The following GNA11 variants were observed in gnomAD, a reference collection of about 807,000 sequenced individuals.
GNA11 encodes the protein guanine nucleotide-binding protein subunit alpha-11.
In GNA11, 8 loss-of-function variants were observed where a neutral mutation model predicts 38.2. The observed-to-expected ratio is 0.21, with a 90% CI of 0.12 to 0.38. GNA11 has a LOEUF of 0.38. Among genes scored for constraint, GNA11 ranks in the 10% least tolerant of loss-of-function variants. The pLI, the probability that GNA11 is intolerant of heterozygous loss-of-function variation, is 1.00. For missense variants in GNA11, 268 were observed against 516.3 expected (o/e 0.52, Z 4.66); for synonymous variants, 211 against 221.4 (o/e 0.95, Z 0.42).
chr19:3,115,677 C>T (rs967890306), intron 4 of GNA11, among the ~76,000 whole-genome samples: 3 of 147,776 alleles, frequency 2.0e-5, no homozygotes, highest in East Asian at 2.0e-4. Context: ...CAGGGGGTGC[C>T]GCATGGTGCG....
rs2145326661 is a variant in GNA11 at position 3,119,129 on chromosome 19, G to A, written c.735+76G>A. On this transcript the variant is annotated intron_variant, in intron 5 of 6. Transcript: ENST00000078429. The surrounding 1 kb of genome is among the most constrained non-coding windows in gnomAD (Gnocchi z 4.6). ...CTGCCAAGCCTGGGTCCCCTCACCTGGGTCCCCCCAGCTGCCCCTTGGGCT... is the reference window on the plus strand; with the variant it reads ...CTGCCAAGCCTGGGTCCCCTCACCTAGGTCCCCCCAGCTGCCCCTTGGGCT... 6.2e-7 allele frequency: 1 copy of A among 1,604,066 alleles called. No individual in the cohort carries two copies. Among genetic ancestry groups the A allele is most frequent in the Admixed American group, 1.7e-5 (1 of 59,838 alleles).
In GNA11 at chr19:3,110,125, G is replaced by T; in HGVS notation, c.137-24G>T. 1 of 1,572,200 alleles carries T rather than the reference G, an allele frequency of 6.4e-7. No individual in the cohort carries two copies. Among genetic ancestry groups the T allele is most frequent in the Non-Finnish European group, 8.6e-7 (1 of 1,157,110 alleles). The stretch of plus-strand genomic sequence containing the variant: ...GAGAGTCAGGCCCCGGCTGCCGCCC[G>T]CCCTCACGTGCCCCGTCCCCCAGGC... On this transcript the variant is annotated intron_variant, in intron 1 of 6. Coordinates refer to ENST00000078429, the MANE Select transcript of GNA11 (RefSeq NM_002067.5). This position sits in a 1 kb window ranked among gnomAD's most constrained non-coding sequence, Gnocchi z 5.4.
intron 1 of GNA11, among the ~76,000 whole-genome samples, chr19:3,098,635 C>T (rs1197244092): frequency 6.6e-6 from 1 of 152,238 alleles, no homozygotes; most frequent in Non-Finnish European, 1.5e-5. Flanking sequence ...GCGCCAGCCC[C>T]CACGGGGCAG....
At position 3,119,241 on chromosome 19, in the gene GNA11, C is replaced by T. The variant is rs4900; in HGVS notation, c.771C>T (p.Thr257=). The T allele has an allele frequency of 0.46, 737,604 of 1,612,358 alleles. 172,418 individuals are homozygous for T. The highest frequency in any genetic ancestry group is 0.49 in the Non-Finnish European group (572,071 of 1,179,014). Residue 257 remains threonine (T), a synonymous_variant, in exon 6 of 7, where the codon ACC becomes ACT. Transcript: ENST00000078429. This position sits in a 1 kb window ranked among gnomAD's most constrained non-coding sequence, Gnocchi z 4.6. ...AGGAGAGCAAAGCCCTGTTCCGGAC[C>T]ATCATCACCTACCCCTGGTTCCAGA... ...RMEESKALFR[T]IITYPWFQNS...
At chr19:3,105,711 G>A (rs1913624008) in intron 1 of GNA11, among the ~76,000 whole-genome samples, 1 of 152,166 alleles carries the variant, frequency 6.6e-6, no homozygotes, top group South Asian at 2.1e-4. Flanking sequence ...TTGGGGTGGC[G>A]GTGTGGTCAG....
Position 3,108,262 on chromosome 19 carries a change from C to G in GNA11, c.137-1887C>G, listed in dbSNP as rs1054244721. On this transcript the variant is annotated intron_variant, in intron 1 of 6. Transcript: ENST00000078429. The surrounding 1 kb of genome is among the most constrained non-coding windows in gnomAD (Gnocchi z 4.5). Reference sequence around the variant, plus strand: ...CTCTAGGAGCTGCCAGGTGAGGGGTCCTGCGACAGGCACCTGTGCAAAGAT... The same window carrying G: ...CTCTAGGAGCTGCCAGGTGAGGGGTGCTGCGACAGGCACCTGTGCAAAGAT... Among the ~76,000 whole-genome samples the G allele has an allele frequency of 1.3e-5, 2 of 152,162 alleles. No individual in the cohort carries two copies. Among genetic ancestry groups the G allele is most frequent in the Non-Finnish European group, 2.9e-5 (2 of 68,040 alleles).
At position 3,119,407 on chromosome 19, in the gene GNA11, T is replaced by G. The variant is rs370286; in HGVS notation, c.889+48T>G. On this transcript the variant is annotated intron_variant, in intron 6 of 6. Coordinates refer to ENST00000078429, the MANE Select transcript of GNA11 (RefSeq NM_002067.5). This position sits in a 1 kb window ranked among gnomAD's most constrained non-coding sequence, Gnocchi z 4.6. Reference sequence around the variant, plus strand: ...GAGGGGCTCGCGGGCAGGGCCTTACTGGGGGGAGGGGGCTGATATGGGAGA... The same window carrying G: ...GAGGGGCTCGCGGGCAGGGCCTTACGGGGGGGAGGGGGCTGATATGGGAGA... The G allele has an allele frequency of 0.86, 1,362,184 of 1,581,862 alleles. 587,983 individuals are homozygous for G. Among genetic ancestry groups the G allele is most frequent in the African/African-American group, 0.97 (71,910 of 74,028 alleles).
At chr19:3,113,914 T>C (rs1913843388) in intron 3 of GNA11, among the ~76,000 whole-genome samples, 1 of 152,200 alleles carries the variant, frequency 6.6e-6, no homozygotes, top group African/African-American at 2.4e-5. Flanking sequence ...AGTGACTGGC[T>C]GTGACCTTGA....
intron 1 of GNA11, among the ~76,000 whole-genome samples, chr19:3,109,731 G>A (rs769182817): frequency 9.8e-5 from 15 of 152,316 alleles, no homozygotes; most frequent in South Asian, 2.1e-4. Context: ...TCAGGGCACC[G>A]CCGCCACGTC....
rs779733610 is a variant in GNA11, at chr19:3,113,491, G to GACCGA, written c.476+7_476+8insACCGA. The stretch of plus-strand genomic sequence containing the variant: ...TCTCCGACTCTGCCAAGTAGTAAGT[G>GACCGA]CGGCCGCACCGCTGGCGGCCTGGGG... On this transcript the variant is annotated splice_region_variant and intron_variant, in intron 3 of 6. Transcript: ENST00000078429. 6.4e-7 allele frequency: 1 copy of GACCGA among 1,574,550 alleles called. No homozygotes were observed. The highest frequency in any genetic ancestry group is 1.2e-5 in the South Asian group (1 of 86,560).
intron 1 of GNA11, among the ~76,000 whole-genome samples, chr19:3,096,455 T>C (rs1188856971): frequency 6.6e-6 from 1 of 152,198 alleles, no homozygotes; most frequent in Admixed American, 6.5e-5. Flanking sequence ...TCTTACCAGA[T>C]GGCCTTGCCC....
intron 1 of GNA11, among the ~76,000 whole-genome samples, chr19:3,106,065 G>A (rs559261671): frequency 4.6e-5 from 7 of 152,322 alleles, no homozygotes; most frequent in African/African-American, 1.7e-4. Flanking sequence ...CAGCTCAGAT[G>A]TCTTTCAGGT....
rs774771956 is a variant in GNA11 at position 3,118,906 on chromosome 19, G to C, written c.606-18G>C. On this transcript the variant is annotated intron_variant, in intron 4 of 6. Transcript: ENST00000078429. ...TTGGGGCGCCAGGTGGCTGAGTCCT[G>C]GCGCTGTGTCCTTTCAGGATGGTGG... 1.2e-5 allele frequency: 19 copies of C among 1,612,904 alleles called. No individual in the cohort carries two copies. Among genetic ancestry groups the C allele is most frequent in the Non-Finnish European group, 5.9e-6 (7 of 1,179,170 alleles).
rs542076483 is a variant in GNA11, at chr19:3,119,542, G to A, written c.889+183G>A. Among the ~76,000 whole-genome samples, 704 of 149,526 alleles carry A rather than the reference G, an allele frequency of 4.7e-3. 9 individuals are homozygous for A. Among genetic ancestry groups the A allele is most frequent in the African/African-American group, 0.016 (659 of 40,614 alleles). On this transcript the variant is annotated intron_variant, in intron 6 of 6. Transcript: ENST00000078429. The surrounding 1 kb of genome is among the most constrained non-coding windows in gnomAD (Gnocchi z 4.6). ...TCTCGTATGAGGGGGGCCTGTACGGGAATGAGTTCTCCGACGCGGGTGTCT... is the reference window on the plus strand; with the variant it reads ...TCTCGTATGAGGGGGGCCTGTACGGAAATGAGTTCTCCGACGCGGGTGTCT...
chr19:3,114,430 T>C (rs1165474096), intron 3 of GNA11, among the ~76,000 whole-genome samples: 1 of 152,084 alleles, frequency 6.6e-6, no homozygotes, highest in Non-Finnish European at 1.5e-5. Flanking sequence ...GTGTAGACAC[T>C]GGCTCATTGC....
At chr19:3,097,687 C>T (rs987404296) in intron 1 of GNA11, among the ~76,000 whole-genome samples, 2 of 152,246 alleles carry the variant, frequency 1.3e-5, no homozygotes, top group African/African-American at 4.8e-5. Context: ...CTTACGGAGC[C>T]CTAGAGCTGG....
In GNA11 at chr19:3,119,841, A is replaced by G. The variant is rs371406444; in HGVS notation, c.889+482A>G. Among the ~76,000 whole-genome samples, 1 of 152,030 alleles carries G rather than the reference A, an allele frequency of 6.6e-6. No individual in the cohort carries two copies. The highest frequency in any genetic ancestry group is 1.9e-4 in the East Asian group (1 of 5,160). ...TGGGGACCTTGGTGGTAGTCCCTGCATCCTCCTCTGTGCCCTACTGCCCCC... is the reference window on the plus strand; with the variant it reads ...TGGGGACCTTGGTGGTAGTCCCTGCGTCCTCCTCTGTGCCCTACTGCCCCC... On this transcript the variant is annotated intron_variant, in intron 6 of 6. Coordinates refer to ENST00000078429, the MANE Select transcript of GNA11 (RefSeq NM_002067.5). This position sits in a 1 kb window ranked among gnomAD's most constrained non-coding sequence, Gnocchi z 4.6.
chr19:3,115,236 T>C (rs1599305105), intron 4 of GNA11, 164 bp downstream of exon 4: 2 of 719,124 alleles, frequency 2.8e-6, no homozygotes, highest in East Asian at 3.0e-5. Context: ...AGACCTCATA[T>C]CTAAAAAAAA....
intron 1 of GNA11, among the ~76,000 whole-genome samples, chr19:3,100,109 G>A (rs1398936750): frequency 2.0e-5 from 3 of 150,342 alleles, no homozygotes; most frequent in African/African-American, 2.4e-5. Context: ...CTGCTCCATG[G>A]GGGATCCTGC....
Sources: allele counts gnomAD v4.1 joint callset (sites outside exome capture counted in the v4.1 genomes callset), GRCh38; gene constraint gnomAD v4.1.1; non-coding constraint Gnocchi (gnomAD v3.1); transcripts MANE v1.5; gene names NCBI Gene and HGNC (gene_info 2026-07-23, HGNC 2026-07-21).